ADGRB1: variants seen among roughly 807,000 people sequenced by gnomAD.
ADGRB1 encodes brain-specific angiogenesis inhibitor 1.
In ADGRB1, 36 loss-of-function variants were observed where a neutral mutation model predicts 175.7. The ratio of observed to expected loss-of-function variants is 0.20; its 90% CI spans 0.16 to 0.27. The LOEUF is 0.27. Ranked by LOEUF, ADGRB1 falls within the 10% of genes least tolerant of loss-of-function variation. ADGRB1 has a pLI of 1.00. For synonymous variants in ADGRB1, 1,054 were observed against 979.4 expected, an observed-to-expected ratio of 1.08 and a Z score of -1.42; for missense variants, 1,731 against 2,255.3, an observed-to-expected ratio of 0.77 and a Z score of 4.71.
At position 142,536,903 on chromosome 8, in the gene ADGRB1, C is replaced by T. The variant is rs529259503; in HGVS notation, c.3571-84C>T. On this transcript the variant is annotated intron_variant, in intron 25 of 30. Transcript: ENST00000517894. ...TGCCCTTCCCCGAGACGCCCGCCCCCCCACAGGTGCTGCTCATCTGATCTG... is the reference window on the plus strand; with the variant it reads ...TGCCCTTCCCCGAGACGCCCGCCCCTCCACAGGTGCTGCTCATCTGATCTG... The T allele has an allele frequency of 8.2e-6, 10 of 1,214,190 alleles. No individual in the cohort carries two copies. The South Asian group carries it at 1.4e-4, about 16-fold the overall frequency. The allele number at this position is 1,214,190 out of a possible 1,614,324, so 75.2% of individuals were successfully genotyped here. A position where few individuals can be genotyped will look rare whatever the true frequency, so the allele number is the denominator to read the frequency against.
rs535903921 is a variant in ADGRB1, at chr8:142,519,083, G to A, written c.2921+842G>A. 5.5e-4 allele frequency among the ~76,000 whole-genome samples: 84 copies of A among 152,270 alleles called. 1 individual carries two copies. Among genetic ancestry groups the A allele is most frequent in the South Asian group, 3.9e-3 (19 of 4,828 alleles). ...GGGGCTCTCCACTGTCCTGCCTGAG[G>A]GGACAGCATCCACTGGGCTCTAGGG... On this transcript the variant is annotated intron_variant, in intron 19 of 30. Coordinates refer to ENST00000517894, the MANE Select transcript of ADGRB1 (RefSeq NM_001702.3).
At chr8:142,514,133 T>C (rs1843272184) in intron 18 of ADGRB1, among the ~76,000 whole-genome samples, 1 of 151,824 alleles carries the variant, frequency 6.6e-6, no homozygotes, top group Non-Finnish European at 1.5e-5. Context: ...ACGTTGGGTG[T>C]GGGGACTCTG....
intron 11 of ADGRB1, among the ~76,000 whole-genome samples, chr8:142,481,929 C>G (rs112046026): frequency 0.028 from 4,206 of 150,826 alleles, 205 homozygotes; most frequent in African/African-American, 0.097. Context: ...GAGCCCTGAC[C>G]CTGGTCACAT....
chr8:142,461,835 C>T (rs1433125760), intron 1 of ADGRB1, among the ~76,000 whole-genome samples: 2 of 152,156 alleles, frequency 1.3e-5, no homozygotes, highest in African/African-American at 4.8e-5. Context: ...GGCTGGCTGA[C>T]CTGTGGAGGA....
Position 142,481,555 on chromosome 8 carries a change from TG to T in ADGRB1, c.1978del (p.Glu660ArgfsTer31). On this transcript the variant is annotated frameshift_variant, in exon 11 of 31. Coordinates refer to ENST00000517894, the MANE Select transcript of ADGRB1 (RefSeq NM_001702.3). LOFTEE classifies it high-confidence loss of function. ...HLAKAQRGLPGEGVSEVIQTL... is the reference protein window; with the variant it reads ...HLAKAQRGLPXEGVSEVIQTL... ...TGGCCAAGGCTCAGCGAGGGCTGCCTGGGGAGGGGGTCTCGGAGGTCATCCA... is the reference window on the plus strand; with the variant it reads ...TGGCCAAGGCTCAGCGAGGGCTGCCTGGGAGGGGGTCTCGGAGGTCATCCA... The T allele has an allele frequency of 6.3e-7, 1 of 1,594,228 alleles. No homozygotes were observed.
At chr8:142,514,941 G>A (rs1843331436) in intron 18 of ADGRB1, among the ~76,000 whole-genome samples, 1 of 152,146 alleles carries the variant, frequency 6.6e-6, no homozygotes, top group Admixed American at 6.5e-5. Context: ...ACGGTGTTGG[G>A]GCAGTGGCAG....
Position 142,541,981 on chromosome 8 carries a change from C to T in ADGRB1, c.3747C>T (p.Ile1249=). The change falls in exon 28 of 31, where the codon ATC becomes ATT. Residue 1249 remains isoleucine (I), a synonymous_variant. Transcript: ENST00000517894. Reference sequence around the variant, plus strand: ...TCGCGGCCTGCCGCACTGCCACCATCACGGGCACACTGAAGCGGCCGTCTC... The same window carrying T: ...TCGCGGCCTGCCGCACTGCCACCATTACGGGCACACTGAAGCGGCCGTCTC... ...KDIAACRTAT[I]TGTLKRPSLP... is the part of the protein sequence containing the mutation. 1.3e-6 allele frequency: 2 copies of T among 1,579,960 alleles called. No individual in the cohort carries two copies. The highest frequency in any genetic ancestry group is 1.7e-6 in the Non-Finnish European group (2 of 1,165,282).
intron 2 of ADGRB1, 72 bp from the exon 3 acceptor site, chr8:142,475,402 C>A (rs1189594299): frequency 1.6e-6 from 2 of 1,233,564 alleles, no homozygotes; most frequent in East Asian, 3.1e-5. Flanking sequence ...GGGCTTAGCA[C>A]CCCCATGACT....
Position 142,476,708 on chromosome 8 carries a change from G to A in ADGRB1, c.1057+13G>A. ...GCCCCCCAGACCGGTGAGCTGGCGGGAGGGGGGTGGGTGGGACTAGGGCTT... is the reference window on the plus strand; with the variant it reads ...GCCCCCCAGACCGGTGAGCTGGCGGAAGGGGGGTGGGTGGGACTAGGGCTT... On this transcript the variant is annotated intron_variant, in intron 4 of 30. Transcript: ENST00000517894. The A allele has an allele frequency of 6.5e-7, 1 of 1,540,918 alleles. No homozygotes were observed.
Position 142,474,376 on chromosome 8 carries a change from G to A in ADGRB1, c.785-1098G>A, listed in dbSNP as rs929492556. Among the ~76,000 whole-genome samples, 24 of 152,260 alleles carry A rather than the reference G, an allele frequency of 1.6e-4. No individual in the cohort carries two copies. The highest frequency in any genetic ancestry group is 5.3e-4 in the African/African-American group (22 of 41,548). On this transcript the variant is annotated intron_variant, in intron 2 of 30. Transcript: ENST00000517894. This position sits in a 1 kb window ranked among gnomAD's most constrained non-coding sequence, Gnocchi z 5.8. ...GGCCGCCAGCTGTCTCCTCGCCACC[G>A]TAGCCAGGAGCAGCACTTGGCAAGG...
chr8:142,509,078 G>A (rs1563724546), intron 17 of ADGRB1, among the ~76,000 whole-genome samples: 1 of 151,980 alleles, frequency 6.6e-6, no homozygotes, highest in Non-Finnish European at 1.5e-5. Flanking sequence ...GCATTCTCAC[G>A]GGTCTCCCCC....
intron 2 of ADGRB1, among the ~76,000 whole-genome samples, chr8:142,472,943 G>A (rs907196677): frequency 6.6e-6 from 1 of 152,116 alleles, no homozygotes; most frequent in Non-Finnish European, 1.5e-5. Flanking sequence ...GGCTTGGTTT[G>A]TGGGGGCAGG....
intron 1 of ADGRB1, among the ~76,000 whole-genome samples, chr8:142,454,196 G>A (rs887693262): frequency 2.0e-5 from 3 of 152,132 alleles, no homozygotes; most frequent in Non-Finnish European, 4.4e-5. Context: ...CCGCTGCCAC[G>A]CCCACAGCTG....
chr8:142,537,079 C>A lies in ADGRB1; in HGVS notation c.3663C>A (p.Leu1221=). 1 of 1,533,592 alleles carries A rather than the reference C, an allele frequency of 6.5e-7. No homozygotes were observed. The highest frequency in any genetic ancestry group is 2.4e-5 in the East Asian group (1 of 41,230). The allele number at this position is 1,533,592 out of a possible 1,614,324, so 95.0% of individuals were successfully genotyped here. The part of the protein sequence containing the change: ...GGSFQNGHAQ[L]MTDFEKDVDL... ...CCTTCCAGAACGGCCACGCCCAGCT[C>A]ATGGTAGGACTCAGGGCCCGGGGAC... The change falls in exon 26 of 31, where the codon CTC becomes CTA. Residue 1221 remains leucine, a synonymous_variant. Transcript: ENST00000517894. The surrounding 1 kb of genome is among the most constrained non-coding windows in gnomAD (Gnocchi z 4.6).
In ADGRB1 at chr8:142,510,518, C is replaced by G. The variant is rs373425375; in HGVS notation, c.2676-414C>G. ...CCCGGCTCGCACCCTCCCCGCTCCACGTGCGCCCACGCGCCCCTCCGGGCC... is the reference window on the plus strand; with the variant it reads ...CCCGGCTCGCACCCTCCCCGCTCCAGGTGCGCCCACGCGCCCCTCCGGGCC... On this transcript the variant is annotated intron_variant, in intron 17 of 30. Transcript: ENST00000517894. The surrounding 1 kb of genome is among the most constrained non-coding windows in gnomAD (Gnocchi z 6.3). 3.3e-5 allele frequency among the ~76,000 whole-genome samples: 5 copies of G among 150,696 alleles called. No individual in the cohort carries two copies. Among genetic ancestry groups the G allele is most frequent in the Admixed American group, 3.3e-4 (5 of 15,168 alleles).
Position 142,542,625 on chromosome 8 carries a change from C to A in ADGRB1, c.4391C>A (p.Thr1464Asn). 1 of 1,551,734 alleles carries A rather than the reference C, an allele frequency of 6.4e-7. No homozygotes were observed. The highest frequency in any genetic ancestry group is 8.7e-7 in the Non-Finnish European group (1 of 1,149,006). ...AGCACCAAGAACGAGAATGTCGCCA[C>A]CTTGTCTGTGAGCTCCCTGGAGGTG... ...GPSTKNENVA[T>N]LSVSSLERRK... The change falls in exon 28 of 31, where the codon ACC (threonine) becomes AAC (asparagine). Residue 1464 changes from threonine (T) to asparagine (N), a missense_variant. Thr to Asn is a moderately conservative substitution (Grantham distance 65). Around this residue, in one of 8 missense-constraint regions of ADGRB1, gnomAD observed 394 missense variants for 410.2 expected, o/e 0.96. Coordinates refer to ENST00000517894, the MANE Select transcript of ADGRB1 (RefSeq NM_001702.3). The surrounding 1 kb of genome is among the most constrained non-coding windows in gnomAD (Gnocchi z 6.3).
chr8:142,471,997 G>C (rs979777399), intron 2 of ADGRB1, among the ~76,000 whole-genome samples: 5 of 152,246 alleles, frequency 3.3e-5, no homozygotes, highest in Non-Finnish European at 5.9e-5. Context: ...TGGGTGCCTG[G>C]GACCTGGTGG....
chr8:142,533,512 G>C (rs1274306204), intron 25 of ADGRB1, 46 bp downstream of exon 25: 1 of 1,536,164 alleles, frequency 6.5e-7, no homozygotes, highest in Non-Finnish European at 8.8e-7. Context: ...CGGGGTCCTG[G>C]GGCTGCCGAG....
chr8:142,529,911 C>G (rs1467742946), intron 24 of ADGRB1, among the ~76,000 whole-genome samples: 1 of 138,216 alleles, frequency 7.2e-6, no homozygotes, highest in Non-Finnish European at 1.5e-5. Flanking sequence ...GATGTGTGAG[C>G]ATGCATCTGT....
Sources: gnomAD v4.1 joint callset for allele counts (sites outside exome capture counted in the v4.1 genomes callset) on GRCh38, gnomAD v4.1.1 for gene constraint, gnomAD v4.1.1 regional missense constraint, Gnocchi (gnomAD v3.1) non-coding constraint, MANE v1.5 for transcripts, NCBI Gene and HGNC (gene_info 2026-07-23, HGNC 2026-07-21) for gene names.